The following NLGN1 variants were observed in gnomAD, a reference collection of about 807,000 sequenced individuals.
NLGN1 encodes the protein neuroligin-1.
In NLGN1, 12 loss-of-function variants were observed where a neutral mutation model predicts 65.5. The observed-to-expected ratio is 0.18, with a 90% CI of 0.12 to 0.30. NLGN1 has a LOEUF of 0.30. Ranked by LOEUF, NLGN1 falls within the 10% of genes least tolerant of loss-of-function variation. The probability of loss-of-function intolerance (pLI) is 1.00; values close to 1 mark genes in which losing one functional copy is unlikely to be tolerated. For synonymous variants in NLGN1, 350 were observed against 359.5 expected, an observed-to-expected ratio of 0.97 and a Z score of 0.30; for missense variants, 750 against 1,007.1, an observed-to-expected ratio of 0.74 and a Z score of 3.46.
intron 4 of NLGN1, among the ~76,000 whole-genome samples, chr3:174,090,665 C>T (rs1167173399): frequency 2.0e-5 from 3 of 151,612 alleles, no homozygotes; most frequent in African/African-American, 7.3e-5. Context: ...TATAGAGACA[C>T]ATAAAGATCA....
intron 3 of NLGN1, among the ~76,000 whole-genome samples, chr3:173,798,671 AG>A (rs1180016120): frequency 6.6e-6 from 1 of 152,104 alleles, no homozygotes; most frequent in African/African-American, 2.4e-5. Context: ...AATTGCTTGC[AG>A]GTGTGATTAT....
At position 174,110,670 on chromosome 3, in the gene NLGN1, T is replaced by C. The variant is rs187521699; in HGVS notation, c.647-164645T>C. On this transcript the variant is annotated intron_variant, in intron 4 of 6. Transcript: ENST00000457714. ...ATAATGAAAAGCGTTAAAGGACATT[T>C]GCTTGATATAGTCTGTTAAAATACA... Among the ~76,000 whole-genome samples the C allele has an allele frequency of 7.5e-4, 114 of 152,150 alleles. 1 individual carries two copies. Among genetic ancestry groups the C allele is most frequent in the African/African-American group, 2.6e-3 (110 of 41,570 alleles).
chr3:173,952,472 G>A (rs1269835128), intron 4 of NLGN1, among the ~76,000 whole-genome samples: 1 of 152,148 alleles, frequency 6.6e-6, no homozygotes, highest in Non-Finnish European at 1.5e-5. Flanking sequence ...AGTTATAGAA[G>A]CTAACAAATG....
chr3:173,734,128 G>A (rs1192786064), intron 3 of NLGN1, among the ~76,000 whole-genome samples: 4 of 151,844 alleles, frequency 2.6e-5, no homozygotes, highest in Admixed American at 6.6e-5. Context: ...TAATCAGAAA[G>A]CATCTTATAA....
chr3:173,589,296 C>G (rs1394750658), intron 2 of NLGN1, among the ~76,000 whole-genome samples: 1 of 152,164 alleles, frequency 6.6e-6, no homozygotes, highest in Non-Finnish European at 1.5e-5. Flanking sequence ...CACACAGTAG[C>G]TTTTTCTTTT....
intron 4 of NLGN1, among the ~76,000 whole-genome samples, chr3:173,906,830 A>T (rs1371319749): frequency 6.7e-6 from 1 of 150,306 alleles, no homozygotes; most frequent in East Asian, 2.0e-4. Context: ...ACTGCACTCC[A>T]GCATGGCTAA....
At chr3:173,574,863 AC>A (rs1177277125) in intron 2 of NLGN1, among the ~76,000 whole-genome samples, 1 of 152,208 alleles carries the variant, frequency 6.6e-6, no homozygotes, top group Non-Finnish European at 1.5e-5. Flanking sequence ...TATGCAAATG[AC>A]ACATTTGATC....
intron 3 of NLGN1, among the ~76,000 whole-genome samples, chr3:173,742,617 C>A (rs2150113605): frequency 6.6e-6 from 1 of 152,034 alleles, no homozygotes; most frequent in South Asian, 2.1e-4. Flanking sequence ...TTATATTTTC[C>A]TTCATAACAT....
At chr3:174,207,039 C>T (rs918942457) in intron 4 of NLGN1, among the ~76,000 whole-genome samples, 5 of 152,060 alleles carry the variant, frequency 3.3e-5, no homozygotes, top group Admixed American at 2.0e-4. Flanking sequence ...AAAACAACCC[C>T]GCCCAGCCAC....
intron 1 of NLGN1, among the ~76,000 whole-genome samples, chr3:173,409,077 C>CT (rs1357179300): frequency 6.6e-6 from 1 of 152,056 alleles, no homozygotes; most frequent in Non-Finnish European, 1.5e-5. Flanking sequence ...GTGGGACACT[C>CT]TACCATAGAA....
At chr3:173,859,331 G>GA (rs1341630106) in intron 4 of NLGN1, among the ~76,000 whole-genome samples, 3 of 151,966 alleles carry the variant, frequency 2.0e-5, no homozygotes, top group African/African-American at 7.2e-5. Flanking sequence ...CCATTCAAAG[G>GA]AGTTTGCATT....
intron 4 of NLGN1, among the ~76,000 whole-genome samples, chr3:173,998,043 G>A (rs1722607705): frequency 6.6e-6 from 1 of 152,084 alleles, no homozygotes; most frequent in Admixed American, 6.6e-5. Context: ...CCAAGGAGAT[G>A]GCTATGGCTA....
chr3:173,810,156 TG>T (rs1248828744), intron 4 of NLGN1, among the ~76,000 whole-genome samples: 1 of 152,204 alleles, frequency 6.6e-6, no homozygotes, highest in African/African-American at 2.4e-5. Context: ...ATTGTGAAAA[TG>T]TATTTAAATA....
rs1722886593 is a variant in NLGN1 at position 173,999,511 on chromosome 3, T to C, written c.646+191679T>C. 2.6e-5 allele frequency among the ~76,000 whole-genome samples: 4 copies of C among 152,154 alleles called. No individual in the cohort carries two copies. The South Asian group carries it at 8.3e-4, about 32-fold the overall frequency. ...ATTTCAACCGTACATCTTGTAATAA[T>C]GGGAAAATTGCTGAGACTTAGATGA... is the stretch of plus-strand genomic sequence containing the variant. On this transcript the variant is annotated intron_variant, in intron 4 of 6. Transcript: ENST00000457714.
chr3:173,817,237 A>G (rs1719208416), intron 4 of NLGN1, among the ~76,000 whole-genome samples: 2 of 152,222 alleles, frequency 1.3e-5, no homozygotes, highest in Admixed American at 1.3e-4. Flanking sequence ...ATAAGGTTAA[A>G]AACATAGGCA....
chr3:174,232,711 G>A (rs1178230924), intron 4 of NLGN1, among the ~76,000 whole-genome samples: 1 of 152,152 alleles, frequency 6.6e-6, no homozygotes, highest in African/African-American at 2.4e-5. Flanking sequence ...GGTAAATTAA[G>A]TTTAATGGCA....
At chr3:173,745,559 A>G (rs1775239434) in intron 3 of NLGN1, among the ~76,000 whole-genome samples, 1 of 152,060 alleles carries the variant, frequency 6.6e-6, no homozygotes, top group Non-Finnish European at 1.5e-5. Context: ...ATCAGTAATG[A>G]GAATAGGGAG....
At chr3:174,293,218 G>GT in the NLGN1 span, among the ~76,000 whole-genome samples, 40 of 151,040 alleles carry the variant, frequency 2.6e-4, no homozygotes, top group Non-Finnish European at 4.4e-4. Flanking sequence ...GCATGTGGAG[G>GT]TTTTTTTTGC....
chr3:173,569,533 A>C (rs2149325831), intron 2 of NLGN1, among the ~76,000 whole-genome samples: 1 of 151,582 alleles, frequency 6.6e-6, no homozygotes, highest in Admixed American at 6.6e-5. Context: ...TAATAGGTTA[A>C]ATTTTAATTT....
Sources: gnomAD v4.1 joint callset for allele counts (sites outside exome capture counted in the v4.1 genomes callset) on GRCh38, gnomAD v4.1.1 for gene constraint, MANE v1.5 for transcripts, NCBI Gene and HGNC (gene_info 2026-07-23, HGNC 2026-07-21) for gene names.